RDX: variants seen among roughly 807,000 people sequenced by gnomAD.
RDX encodes the protein radixin, also known as deafness, autosomal recessive 24.
A neutral mutation model predicts 83.7 loss-of-function variants in RDX; 32 were observed. The ratio of observed to expected loss-of-function variants is 0.38; its 90% CI spans 0.29 to 0.51. The LOEUF (loss-of-function observed/expected upper bound fraction) is 0.51, where lower values mean the gene tolerates loss of function less well. Ranked by LOEUF, RDX falls within the 20% of genes least tolerant of loss-of-function variation. The pLI is 0.87. For missense variants in RDX, 600 were observed against 689.9 expected, an observed-to-expected ratio of 0.87 and a Z score of 1.46; for synonymous variants, 229 against 222.7, an observed-to-expected ratio of 1.03 and a Z score of -0.25.
chr11:110,211,131 A>T (rs942034697), intron 14 of RDX, among the ~76,000 whole-genome samples: 1 of 152,178 alleles, frequency 6.6e-6, no homozygotes, highest in Non-Finnish European at 1.5e-5. Context: ...GGCTCAAAAT[A>T]AAAGGATGAA....
chr11:110,251,434 T>G (rs1398066192), intron 9 of RDX, among the ~76,000 whole-genome samples: 1 of 152,208 alleles, frequency 6.6e-6, no homozygotes, highest in African/African-American at 2.4e-5. Flanking sequence ...CTGTCATGAT[T>G]TCTTACAAAA....
At chr11:110,238,312 G>A (rs1263118432) in intron 10 of RDX, among the ~76,000 whole-genome samples, 1 of 152,144 alleles carries the variant, frequency 6.6e-6, no homozygotes, top group African/African-American at 2.4e-5. Context: ...TAATCCTTAG[G>A]TGCATAGATC....
chr11:110,211,891 C>T (rs1405410796), intron 14 of RDX, among the ~76,000 whole-genome samples: 1 of 148,880 alleles, frequency 6.7e-6, no homozygotes, highest in Middle Eastern at 3.5e-3. Flanking sequence ...AGGAAAGATC[C>T]AAAATTGACA....
chr11:110,273,460 T>C (rs1263651182), intron 2 of RDX, among the ~76,000 whole-genome samples: 1 of 152,252 alleles, frequency 6.6e-6, no homozygotes, highest in East Asian at 1.9e-4. Context: ...TGGAGAGCAC[T>C]GGCCATTCAT....
At chr11:110,267,037 G>A (rs1416236642) in intron 3 of RDX, among the ~76,000 whole-genome samples, 12 of 151,650 alleles carry the variant, frequency 7.9e-5, no homozygotes, top group Non-Finnish European at 1.5e-4. Context: ...CGAGTAGCTC[G>A]GACCACAGGC....
At chr11:110,215,405 T>TAAATAAATA (rs1864012239) in intron 14 of RDX, among the ~76,000 whole-genome samples, 1 of 149,076 alleles carries the variant, frequency 6.7e-6, no homozygotes, top group African/African-American at 2.5e-5. Flanking sequence ...AATAAATAAA[T>TAAATAAATA]AAATAAAATA....
At chr11:110,244,183 G>A (rs968903628) in intron 10 of RDX, among the ~76,000 whole-genome samples, 16 of 151,600 alleles carry the variant, frequency 1.1e-4, no homozygotes, top group African/African-American at 3.2e-4. Flanking sequence ...CCAACATGGC[G>A]AAACCCCGTC....
At chr11:110,281,221 G>GT (rs1298604533) in intron 1 of RDX, among the ~76,000 whole-genome samples, 1 of 152,052 alleles carries the variant, frequency 6.6e-6, no homozygotes, top group African/African-American at 2.4e-5. Flanking sequence ...TCTCTAAGTT[G>GT]TAATAAAAAT....
At chr11:110,239,086 C>T (rs1423950891) in intron 10 of RDX, among the ~76,000 whole-genome samples, 1 of 151,608 alleles carries the variant, frequency 6.6e-6, no homozygotes, top group Non-Finnish European at 1.5e-5. Context: ...TGAGACCAGT[C>T]TGGTCAACAG....
chr11:110,272,080 G>A (rs1860331179), intron 3 of RDX, among the ~76,000 whole-genome samples: 1 of 152,156 alleles, frequency 6.6e-6, no homozygotes, highest in African/African-American at 2.4e-5. Flanking sequence ...CCATCCCCAA[G>A]ATATCTCATT....
chr11:110,203,252 G>C (rs1050435518), intron 14 of RDX, among the ~76,000 whole-genome samples: 1 of 152,084 alleles, frequency 6.6e-6, no homozygotes, highest in Non-Finnish European at 1.5e-5. Flanking sequence ...AGTTAAATAA[G>C]CCAAGCACAG....
chr11:110,240,466 G>A (rs866520493), intron 10 of RDX, among the ~76,000 whole-genome samples: 35 of 152,028 alleles, frequency 2.3e-4, no homozygotes, highest in Middle Eastern at 3.2e-3. Context: ...AAAATAGGCC[G>A]GGCGCGGTGG....
chr11:110,190,907 T>C (rs1022927566), intron 15 of RDX, among the ~76,000 whole-genome samples: 1 of 152,158 alleles, frequency 6.6e-6, no homozygotes, highest in Admixed American at 6.5e-5. Flanking sequence ...ATCGAAACTC[T>C]GAATAGAGCA....
rs1859441665 is a variant in RDX at position 110,253,992 on chromosome 11, T to A, written c.913A>T (p.Met305Leu). ...TTCTCCTCCCTAGCCTGAGCCTTCA[T>A]CTGTTGTACTTCAATAGTATCAGGC... ...RKPDTIEVQQMKAQAREEKHQ... is the reference protein window; with the variant it reads ...RKPDTIEVQQLKAQAREEKHQ... The change falls in exon 9 of 14, where the codon ATG (methionine) becomes TTG (leucine). Residue 305 changes from methionine (M) to leucine (L), a missense_variant. Met to Leu is a conservative substitution (Grantham distance 15). Coordinates refer to ENST00000645495, the MANE Select transcript of RDX (RefSeq NM_002906.4). 1 of 1,613,710 alleles carries A rather than the reference T, an allele frequency of 6.2e-7. No individual in the cohort carries two copies. The highest frequency in any genetic ancestry group is 1.7e-5 in the Admixed American group (1 of 59,964).
At chr11:110,219,991 C>A (rs1864189884) in intron 14 of RDX, among the ~76,000 whole-genome samples, 1 of 152,084 alleles carries the variant, frequency 6.6e-6, no homozygotes. Flanking sequence ...GAAGGAACCT[C>A]ACTTATTCAT....
chr11:110,280,941 G>A (rs867366605), intron 1 of RDX, among the ~76,000 whole-genome samples: 5 of 152,186 alleles, frequency 3.3e-5, no homozygotes, highest in African/African-American at 1.2e-4. Flanking sequence ...GGGGCGGGAG[G>A]ATCATTTGAG....
chr11:110,226,306 A>C (rs1864434494), downstream of RDX, among the ~76,000 whole-genome samples: 1 of 152,238 alleles, frequency 6.6e-6, no homozygotes, highest in Admixed American at 6.5e-5. Flanking sequence ...TTAAAAAGGA[A>C]TAAAATTCTG....
At chr11:110,275,558 T>C (rs1860479138) in intron 2 of RDX, among the ~76,000 whole-genome samples, 3 of 152,210 alleles carry the variant, frequency 2.0e-5, no homozygotes, top group African/African-American at 7.2e-5. Context: ...TGTTCACGCA[T>C]ACGGCTTATT....
At chr11:110,180,777 G>A (rs1442577346) in intron 15 of RDX, among the ~76,000 whole-genome samples, 2 of 151,684 alleles carry the variant, frequency 1.3e-5, no homozygotes, top group African/African-American at 4.9e-5. Flanking sequence ...ATCCTTCCAG[G>A]TGCTGCGTGG....
Sources: allele counts gnomAD v4.1 joint callset (sites outside exome capture counted in the v4.1 genomes callset), GRCh38; gene constraint gnomAD v4.1.1; transcripts MANE v1.5; gene names NCBI Gene and HGNC (gene_info 2026-07-23, HGNC 2026-07-21).